The following ZNF267 variants were observed in gnomAD, a reference collection of about 807,000 sequenced individuals.
The protein encoded by ZNF267 is zinc finger protein 267.
ZNF267 carries 61 observed loss-of-function variants against 71.6 expected under a neutral mutation model. The ratio of observed to expected loss-of-function variants is 0.85; its 90% CI spans 0.69 to 1.05. The LOEUF (loss-of-function observed/expected upper bound fraction) is 1.05. Among genes scored for constraint, ZNF267 ranks in the 50% least tolerant of loss-of-function variants. The probability of loss-of-function intolerance (pLI) is 0.00; values close to 1 mark genes in which losing one functional copy is unlikely to be tolerated. For synonymous variants in ZNF267, 288 were observed against 293.2 expected (o/e 0.98, Z 0.18); for missense variants, 852 against 870.0 (o/e 0.98, Z 0.26).
At chr16:31,901,610 C>T (rs553034507) in intron 3 of ZNF267, among the ~76,000 whole-genome samples, 214 of 152,324 alleles carry the variant, frequency 1.4e-3, no homozygotes, top group African/African-American at 5.0e-3. Context: ...TGAGAAGTGT[C>T]TGTTCATATC....
intron 3 of ZNF267, chr16:31,912,532 T>C (rs1223150610): frequency 1.3e-5 from 2 of 151,662 alleles, no homozygotes; most frequent in Admixed American, 1.3e-4. Flanking sequence ...TTGGGTTCAA[T>C]CTGCTTTGTG....
chr16:31,873,865 C>A lies in ZNF267; in HGVS notation c.-102C>A. On this transcript the variant is annotated 5_prime_UTR_variant, in exon 1 of 4. Transcript: ENST00000300870. Reference sequence around the variant, plus strand: ...AGTCTTTCGTTCTGGGAGGCCCAGGCGGCTTCGCGTTCTGAGAATAAACAG... The same window carrying A: ...AGTCTTTCGTTCTGGGAGGCCCAGGAGGCTTCGCGTTCTGAGAATAAACAG... 2 of 1,524,284 alleles carry A rather than the reference C, an allele frequency of 1.3e-6. No homozygotes were observed. Among genetic ancestry groups the A allele is most frequent in the Non-Finnish European group, 1.8e-6 (2 of 1,100,024 alleles). 94.4% of individuals were successfully genotyped at this position (1,524,284 alleles called of 1,614,324 possible).
chr16:31,914,414 T>G, intron 3 of ZNF267, 62 bp from the exon 4 acceptor site: 2 of 1,398,368 alleles, frequency 1.4e-6, no homozygotes, highest in Non-Finnish European at 1.9e-6. Flanking sequence ...GTATATTAGA[T>G]TTGTAAAATA....
intron 3 of ZNF267, among the ~76,000 whole-genome samples, chr16:31,891,746 G>A (rs1374384205): frequency 6.6e-6 from 1 of 152,204 alleles, no homozygotes; most frequent in East Asian, 1.9e-4. Context: ...GGAACTGTGA[G>A]TCCACTAAAC....
Position 31,916,614 on chromosome 16 carries a change from A to G in ZNF267, c.*133A>G. On this transcript the variant is annotated 3_prime_UTR_variant, in exon 4 of 4. Transcript: ENST00000300870. The stretch of plus-strand genomic sequence containing the variant: ...CTTTAACTATTTTCAAGCCTTACAC[A>G]ATAGCAGAGAATATAAACTGAAAAA... 1.1e-6 allele frequency: 1 copy of G among 876,192 alleles called. No individual in the cohort carries two copies. The highest frequency in any genetic ancestry group is 1.9e-5 in the South Asian group (1 of 53,610). 54.3% of individuals were successfully genotyped at this position (876,192 alleles called of 1,614,324 possible).
chr16:31,884,671 T>G (rs764922019), intron 2 of ZNF267, 47 bp downstream of exon 2: 14 of 1,570,076 alleles, frequency 8.9e-6, no homozygotes, highest in Non-Finnish European at 1.2e-5. Flanking sequence ...AGAGTTTTAT[T>G]TTCTTTTCAG....
chr16:31,877,758 A>G (rs2083862068), intron 1 of ZNF267, among the ~76,000 whole-genome samples: 1 of 151,792 alleles, frequency 6.6e-6, no homozygotes, highest in Admixed American at 6.6e-5. Flanking sequence ...AACACAAAAG[A>G]TGGGGGATTT....
At chr16:31,883,454 G>A (rs1195108369) in intron 1 of ZNF267, among the ~76,000 whole-genome samples, 2 of 152,108 alleles carry the variant, frequency 1.3e-5, no homozygotes, top group Non-Finnish European at 2.9e-5. Context: ...GATCACTATT[G>A]TGTGGCTGCT....
intron 1 of ZNF267, among the ~76,000 whole-genome samples, chr16:31,879,124 G>A (rs2083872899): frequency 6.6e-6 from 1 of 152,206 alleles, no homozygotes; most frequent in South Asian, 2.1e-4. Context: ...TAGCAAAGAA[G>A]ATAGATCCAT....
intron 1 of ZNF267, among the ~76,000 whole-genome samples, chr16:31,881,063 GTTA>G (rs775963379): frequency 2.4e-4 from 36 of 152,096 alleles, no homozygotes; most frequent in Non-Finnish European, 4.6e-4. Flanking sequence ...CAAAAGAGTT[GTTA>G]TTATAATTAT....
chr16:31,914,344 A>G (rs976270097), intron 3 of ZNF267, 132 bp from the exon 4 acceptor site: 3 of 795,568 alleles, frequency 3.8e-6, no homozygotes, highest in African/African-American at 3.5e-5. Context: ...ATCAATTGAG[A>G]AAACACGGCC....
At chr16:31,894,990 C>A in intron 3 of ZNF267, 1 of 326,126 alleles carries the variant, frequency 3.1e-6, no homozygotes. Flanking sequence ...ATCAATTGTT[C>A]AAAATATGAA....
At chr16:31,908,054 A>T (rs887725383) in intron 3 of ZNF267, among the ~76,000 whole-genome samples, 2 of 152,026 alleles carry the variant, frequency 1.3e-5, no homozygotes, top group African/African-American at 4.8e-5. Context: ...AAAAAAAAAA[A>T]TAATACTAAT....
intron 1 of ZNF267, among the ~76,000 whole-genome samples, chr16:31,883,954 G>A (rs1473067579): frequency 6.6e-6 from 1 of 152,214 alleles, no homozygotes; most frequent in Non-Finnish European, 1.5e-5. Context: ...CAGGAGGATC[G>A]CCTGAGCCCA....
Position 31,914,534 on chromosome 16 carries a change from C to T in ZNF267, c.285C>T (p.Phe95=), listed in dbSNP as rs2084158021. Residue 95 remains phenylalanine, a synonymous_variant, in exon 4 of 4, where the codon TTC becomes TTT. Transcript: ENST00000300870. ...CAGAGCACTGCACAGAAGCTTCATT[C>T]CAAAAAGTGATATCGAGGAGACATG... The part of the protein sequence containing the change: ...LLTEHCTEAS[F]QKVISRRHGS... 1 of 1,613,688 alleles carries T rather than the reference C, an allele frequency of 6.2e-7. No homozygotes were observed. The highest frequency in any genetic ancestry group is 1.1e-5 in the South Asian group (1 of 91,032).
intron 1 of ZNF267, 102 bp downstream of exon 1, chr16:31,874,071 C>A: frequency 7.3e-7 from 1 of 1,368,146 alleles, no homozygotes; most frequent in Non-Finnish European, 1.0e-6. Flanking sequence ...CAGTCAGCCT[C>A]GGGGTCTGGG....
intron 3 of ZNF267, among the ~76,000 whole-genome samples, chr16:31,902,989 A>G (rs1170779311): frequency 6.6e-6 from 1 of 152,216 alleles, no homozygotes; most frequent in Non-Finnish European, 1.5e-5. Flanking sequence ...GAGAGTTTTT[A>G]GCATGAAGCG....
chr16:31,889,225 C>T, intron 3 of ZNF267, among the ~76,000 whole-genome samples: 1 of 145,068 alleles, frequency 6.9e-6, no homozygotes. Context: ...TTTTTAATGA[C>T]TCAGTTTTTT....
At chr16:31,885,105 AT>A in intron 2 of ZNF267, 55 bp from the exon 3 acceptor site, 2 of 1,439,208 alleles carry the variant, frequency 1.4e-6, no homozygotes, top group Non-Finnish European at 1.9e-6. Context: ...AAGTATAAAA[AT>A]AAAAAATAAA....
Sources: gnomAD v4.1 joint callset for allele counts (sites outside exome capture counted in the v4.1 genomes callset) on GRCh38, gnomAD v4.1.1 for gene constraint, MANE v1.5 for transcripts, NCBI Gene and HGNC (gene_info 2026-07-23, HGNC 2026-07-21) for gene names.